Variants in FNBP1 observed in about 807,000 individuals in gnomAD.
FNBP1 encodes formin binding protein 1, also known as formin-binding protein 1.
In FNBP1, 26 loss-of-function variants were observed where a neutral mutation model predicts 90.6. That is an observed-to-expected ratio of 0.29 (90% CI 0.21 to 0.40). The LOEUF (loss-of-function observed/expected upper bound fraction) is 0.40. Ranked by LOEUF, FNBP1 falls within the 10% of genes least tolerant of loss-of-function variation. The probability of loss-of-function intolerance (pLI) is 1.00; values close to 1 mark genes in which losing one functional copy is unlikely to be tolerated. For missense variants in FNBP1, 635 were observed against 768.0 expected (o/e 0.83, Z 2.05); for synonymous variants, 260 against 265.2 (o/e 0.98, Z 0.19).
At chr9:129,947,312 C>A (rs1005099476) in intron 6 of FNBP1, among the ~76,000 whole-genome samples, 1 of 151,508 alleles carries the variant, frequency 6.6e-6, no homozygotes, top group South Asian at 2.1e-4. Context: ...TGGTGGCAGG[C>A]GCCTGTAATC....
chr9:129,901,230 A>G (rs1224945205), intron 13 of FNBP1, among the ~76,000 whole-genome samples: 2 of 152,028 alleles, frequency 1.3e-5, no homozygotes, highest in Non-Finnish European at 2.9e-5. Flanking sequence ...ACATGGTGAA[A>G]CGCTGTCTCT....
intron 2 of FNBP1, among the ~76,000 whole-genome samples, chr9:129,986,802 T>G (rs1370653284): frequency 6.6e-6 from 1 of 151,420 alleles, no homozygotes; most frequent in Non-Finnish European, 1.5e-5. Context: ...GAAAAAAAAT[T>G]TTAAAAATAA....
chr9:129,919,199 A>G (rs2040728605), intron 10 of FNBP1: 1 of 1,303,826 alleles, frequency 7.7e-7, no homozygotes, highest in Non-Finnish European at 1.0e-6. Flanking sequence ...GGGTTTCCCT[A>G]TCGTCCTCTT....
intron 4 of FNBP1, among the ~76,000 whole-genome samples, chr9:129,961,234 A>G (rs2047764279): frequency 6.6e-6 from 1 of 151,962 alleles, no homozygotes; most frequent in African/African-American, 2.4e-5. Flanking sequence ...AATCACTTGA[A>G]CTGGGAGGCG....
chr9:129,919,173 C>T (rs946909396), intron 10 of FNBP1: 1 of 1,299,340 alleles, frequency 7.7e-7, no homozygotes, highest in African/African-American at 1.5e-5. Context: ...TAGTCCCTAG[C>T]CTCAAAGGCA....
chr9:130,032,233 T>C (rs1056246056), intron 1 of FNBP1, among the ~76,000 whole-genome samples: 1 of 151,096 alleles, frequency 6.6e-6, no homozygotes, highest in African/African-American at 2.4e-5. Flanking sequence ...ATGGCACAAA[T>C]ACAGCTCACT....
chr9:129,915,847 G>GT, intron 11 of FNBP1, 119 bp downstream of exon 11: 1 of 712,850 alleles, frequency 1.4e-6, no homozygotes. Context: ...AAAAGCACAC[G>GT]TAAGAGAAAC....
At chr9:129,991,678 G>C (rs761997343) in intron 2 of FNBP1, among the ~76,000 whole-genome samples, 22 of 136,268 alleles carry the variant, frequency 1.6e-4, no homozygotes, top group Non-Finnish European at 2.7e-4. Flanking sequence ...TTTTTTCTTT[G>C]AGATGGCGTC....
intron 4 of FNBP1, among the ~76,000 whole-genome samples, chr9:129,961,002 T>C (rs1053547478): frequency 6.6e-6 from 1 of 151,922 alleles, no homozygotes. Flanking sequence ...AAGGCTGATA[T>C]TTCTATGAGA....
At chr9:130,033,492 G>GATT (rs2058991513) in intron 1 of FNBP1, among the ~76,000 whole-genome samples, 1 of 152,152 alleles carries the variant, frequency 6.6e-6, no homozygotes, top group African/African-American at 2.4e-5. Context: ...TTCTGCTATA[G>GATT]ATAATAGAGA....
chr9:129,978,606 C>T lies in FNBP1; in HGVS notation c.204G>A (p.Thr68=), dbSNP rs765621679. 17 of 1,613,552 alleles carry T rather than the reference C, an allele frequency of 1.1e-5. No homozygotes were observed. Among genetic ancestry groups the T allele is most frequent in the East Asian group, 2.2e-5 (1 of 44,880 alleles). The stretch of plus-strand genomic sequence containing the variant: ...GGTTGGAAATGAAAGCTTTACATGA[C>T]GTATACCTATGGAACAGAACACACG... ...NSKEEEEYKY[T]SCKAFISNLN... Residue 68 remains threonine, a synonymous_variant, in exon 4 of 17, where the codon ACG becomes ACA. Transcript: ENST00000446176.
intron 10 of FNBP1, among the ~76,000 whole-genome samples, chr9:129,923,440 G>C (rs953055623): frequency 1.3e-5 from 2 of 151,820 alleles, no homozygotes; most frequent in African/African-American, 4.8e-5. Context: ...GTAGCTGGGC[G>C]TGGTGGCATA....
chr9:129,941,788 A>G (rs2044363055), intron 6 of FNBP1, among the ~76,000 whole-genome samples: 1 of 151,768 alleles, frequency 6.6e-6, no homozygotes, highest in Non-Finnish European at 1.5e-5. Flanking sequence ...TTAAAAGTTT[A>G]GGCTGGGTGC....
chr9:130,043,114 C>T lies in FNBP1; in HGVS notation c.-139G>A. ...GCGCGGCCTCCTCCGGCTCGCAGCT[C>T]CTCGCCCGGGGTCTCCTCGGCGGCT... On this transcript the variant is annotated 5_prime_UTR_variant, in exon 1 of 17. Coordinates refer to ENST00000446176, the MANE Select transcript of FNBP1 (RefSeq NM_015033.3). 4.3e-6 allele frequency: 3 copies of T among 704,106 alleles called. No individual in the cohort carries two copies. Among genetic ancestry groups the T allele is most frequent in the Non-Finnish European group, 5.9e-6 (3 of 509,206 alleles). The allele number at this position is 704,106 out of a possible 1,614,324, so 43.6% of individuals were successfully genotyped here. A position where few individuals can be genotyped will look rare whatever the true frequency, so the allele number is the denominator to read the frequency against.
the FNBP1 span, among the ~76,000 whole-genome samples, chr9:130,050,658 T>TTTTTTTTTTTTTTG: frequency 6.6e-6 from 1 of 150,952 alleles, no homozygotes. Context: ...CTTTTTTTTT[T>TTTTTTTTTTTTTTG]TTTATTTGAC....
At chr9:130,020,219 T>C (rs2131887888) in intron 1 of FNBP1, among the ~76,000 whole-genome samples, 1 of 152,280 alleles carries the variant, frequency 6.6e-6, no homozygotes, top group Non-Finnish European at 1.5e-5. Flanking sequence ...TCTTTTTCGT[T>C]TCTTTTGAGA....
At chr9:129,988,370 T>A (rs1043464127) in intron 2 of FNBP1, among the ~76,000 whole-genome samples, 1 of 152,114 alleles carries the variant, frequency 6.6e-6, no homozygotes, top group Non-Finnish European at 1.5e-5. Flanking sequence ...ACTTTTTCTG[T>A]AAAGGACCAG....
intron 4 of FNBP1, among the ~76,000 whole-genome samples, chr9:129,977,602 G>C (rs982130156): frequency 9.9e-5 from 15 of 150,862 alleles, no homozygotes; most frequent in Non-Finnish European, 1.9e-4. Context: ...AGCAATTCTC[G>C]TGCTTCAGAC....
chr9:129,942,331 G>A (rs1469048532), intron 6 of FNBP1, among the ~76,000 whole-genome samples: 3 of 152,180 alleles, frequency 2.0e-5, no homozygotes, highest in Non-Finnish European at 4.4e-5. Context: ...TTACCACACA[G>A]CTACAGATGT....
Sources: gnomAD v4.1 joint callset for allele counts (sites outside exome capture counted in the v4.1 genomes callset) on GRCh38, gnomAD v4.1.1 for gene constraint, MANE v1.5 for transcripts, NCBI Gene and HGNC (gene_info 2026-07-23, HGNC 2026-07-21) for gene names.